Variants in ADAM9 observed in about 807,000 individuals in gnomAD.
ADAM9 encodes the protein disintegrin and metalloproteinase domain-containing protein 9.
A neutral mutation model predicts 108.1 loss-of-function variants in ADAM9; 54 were observed. The observed-to-expected ratio is 0.50, with a 90% CI of 0.40 to 0.63. The LOEUF is 0.63. Among genes scored for constraint, ADAM9 ranks in the 20% least tolerant of loss-of-function variants. ADAM9 has a pLI of 0.00. For missense variants in ADAM9, 830 were observed against 997.7 expected (o/e 0.83, Z 2.26); for synonymous variants, 316 against 336.0 (o/e 0.94, Z 0.65).
chr8:39,027,417 G>C (rs543251652), intron 11 of ADAM9, among the ~76,000 whole-genome samples: 44 of 152,152 alleles, frequency 2.9e-4, no homozygotes, highest in Non-Finnish European at 5.7e-4. Flanking sequence ...CACTATTGTA[G>C]CCATTTAAAA....
At chr8:39,098,678 G>A (rs1281854984) in intron 20 of ADAM9, among the ~76,000 whole-genome samples, 1 of 152,086 alleles carries the variant, frequency 6.6e-6, no homozygotes, top group Non-Finnish European at 1.5e-5. Flanking sequence ...ATTTCTTAAA[G>A]CATATTCAAA....
chr8:39,003,430 T>G (rs1416113844), intron 1 of ADAM9, among the ~76,000 whole-genome samples: 1 of 150,492 alleles, frequency 6.6e-6, no homozygotes, highest in Non-Finnish European at 1.5e-5. Context: ...TTTTTTATAT[T>G]AATGTGGAAA....
At chr8:38,998,936 G>C (rs1216180201) in intron 1 of ADAM9, among the ~76,000 whole-genome samples, 2 of 152,190 alleles carry the variant, frequency 1.3e-5, no homozygotes, top group East Asian at 3.9e-4. Flanking sequence ...CCCGTAGGAA[G>C]TTCTTTGGGC....
chr8:39,100,653 C>CA (rs1370318688), intron 20 of ADAM9, among the ~76,000 whole-genome samples: 1 of 152,118 alleles, frequency 6.6e-6, no homozygotes, highest in Non-Finnish European at 1.5e-5. Flanking sequence ...TTTCACAGTA[C>CA]ATATAAATCA....
chr8:38,998,910 G>C (rs1429803539), intron 1 of ADAM9, among the ~76,000 whole-genome samples: 1 of 152,178 alleles, frequency 6.6e-6, no homozygotes, highest in East Asian at 1.9e-4. Context: ...GCTGAACTAA[G>C]GGGTTTGGAC....
chr8:39,011,885 T>G (rs1442520862), intron 3 of ADAM9, among the ~76,000 whole-genome samples, 169 bp downstream of exon 3: 1 of 152,218 alleles, frequency 6.6e-6, no homozygotes, highest in Non-Finnish European at 1.5e-5. Context: ...CAGTGACTTC[T>G]AAACAGGAAA....
Position 39,104,465 on chromosome 8 carries a change from A to C in ADAM9, c.*765A>C. The C allele has an allele frequency of 2.5e-6, 1 of 396,294 alleles. No individual in the cohort carries two copies. Among genetic ancestry groups the C allele is most frequent in the South Asian group, 1.9e-5 (1 of 52,476 alleles). 24.5% of individuals were successfully genotyped at this position (396,294 alleles called of 1,614,324 possible). ...GTTCACAATAGCACTATTTTAAATA[A>C]ATTATAAGCTTTAAGGTACGAAGTA... On this transcript the variant is annotated 3_prime_UTR_variant, in exon 22 of 22. Transcript: ENST00000487273.
At chr8:39,065,150 C>G (rs1234794821) in intron 14 of ADAM9, among the ~76,000 whole-genome samples, 1 of 147,590 alleles carries the variant, frequency 6.8e-6, no homozygotes, top group African/African-American at 2.5e-5. Flanking sequence ...ACTAGATTTC[C>G]TTGGATTTTG....
At chr8:39,001,468 C>G (rs1835989626) in intron 1 of ADAM9, among the ~76,000 whole-genome samples, 1 of 152,124 alleles carries the variant, frequency 6.6e-6, no homozygotes, top group African/African-American at 2.4e-5. Flanking sequence ...AACTTAAATT[C>G]TTTGCTGGAG....
chr8:39,054,674 A>G, intron 13 of ADAM9, 101 bp downstream of exon 13: 1 of 1,031,912 alleles, frequency 9.7e-7, no homozygotes, highest in Non-Finnish European at 1.4e-6. Flanking sequence ...AGTCAGCACT[A>G]TTTTTATTTT....
intron 5 of ADAM9, 91 bp downstream of exon 5, chr8:39,016,285 A>C: frequency 8.4e-7 from 1 of 1,189,884 alleles, no homozygotes; most frequent in Non-Finnish European, 1.3e-6. Flanking sequence ...CATTTTGGGC[A>C]CTTAGCAAAA....
At chr8:39,064,277 C>G (rs1588400769) in intron 14 of ADAM9, among the ~76,000 whole-genome samples, 2 of 152,254 alleles carry the variant, frequency 1.3e-5, no homozygotes, top group Middle Eastern at 3.4e-3. Context: ...AAAATCTAAT[C>G]AGATTAGATA....
intron 18 of ADAM9, among the ~76,000 whole-genome samples, chr8:39,088,987 C>T (rs898076162): frequency 9.2e-5 from 14 of 152,140 alleles, no homozygotes; most frequent in Non-Finnish European, 1.9e-4. Context: ...CGGTGGCTCA[C>T]GCCTGTAATC....
At chr8:39,085,376 A>C (rs1209346062) in intron 18 of ADAM9, among the ~76,000 whole-genome samples, 2 of 152,130 alleles carry the variant, frequency 1.3e-5, no homozygotes, top group African/African-American at 4.8e-5. Flanking sequence ...TCTTTCAGAG[A>C]CTTAATGGTA....
chr8:39,077,007 G>C (rs779502160), intron 15 of ADAM9, among the ~76,000 whole-genome samples: 1 of 152,214 alleles, frequency 6.6e-6, no homozygotes, highest in African/African-American at 2.4e-5. Context: ...ATCAGCACCA[G>C]CTGGTGCCCT....
chr8:39,080,428 A>G (rs544140103), intron 16 of ADAM9, among the ~76,000 whole-genome samples: 11 of 152,176 alleles, frequency 7.2e-5, no homozygotes, highest in African/African-American at 1.2e-4. Flanking sequence ...AATAATATTT[A>G]TGTACAAGAA....
chr8:39,055,795 T>G (rs996784571), intron 14 of ADAM9, 23 bp downstream of exon 14: 15 of 1,599,580 alleles, frequency 9.4e-6, no homozygotes, highest in Non-Finnish European at 1.1e-5. Context: ...CATTTATAAT[T>G]GATTGCTTCG....
chr8:39,052,244 G>A (rs1837980980), intron 12 of ADAM9, among the ~76,000 whole-genome samples: 1 of 152,058 alleles, frequency 6.6e-6, no homozygotes, highest in Admixed American at 6.6e-5. Flanking sequence ...TCATGTGATT[G>A]TAGATTATAG....
chr8:39,085,156 G>A (rs903085011), intron 18 of ADAM9, among the ~76,000 whole-genome samples: 8 of 151,796 alleles, frequency 5.3e-5, no homozygotes, highest in Non-Finnish European at 1.2e-4. Context: ...AAGTTGTTTC[G>A]ATAATTTATA....
Sources: allele counts gnomAD v4.1 joint callset (sites outside exome capture counted in the v4.1 genomes callset), GRCh38; gene constraint gnomAD v4.1.1; transcripts MANE v1.5; gene names NCBI Gene and HGNC (gene_info 2026-07-23, HGNC 2026-07-21).